The following GNL1 variants were observed in gnomAD, a reference collection of about 807,000 sequenced individuals.
GNL1 encodes the protein guanine nucleotide-binding protein-like 1.
A neutral mutation model predicts 75.2 loss-of-function variants in GNL1; 21 were observed. The ratio of observed to expected loss-of-function variants is 0.28; its 90% confidence interval spans 0.20 to 0.40. The LOEUF (loss-of-function observed/expected upper bound fraction) is 0.40, where lower values mean the gene tolerates loss of function less well. Among genes scored for constraint, GNL1 ranks in the 10% least tolerant of loss-of-function variants. The pLI is 1.00. For synonymous variants in GNL1, 287 were observed against 303.4 expected, an observed-to-expected ratio of 0.95 and a Z score of 0.56; for missense variants, 579 against 775.0, an observed-to-expected ratio of 0.75 and a Z score of 3.00.
rs1164445525 is a variant in GNL1 at position 30,552,815 on chromosome 6, C to T, written c.905-154G>A. Among the ~76,000 whole-genome samples the T allele has an allele frequency of 6.6e-6, 1 of 152,206 alleles. No individual in the cohort carries two copies. The highest frequency in any genetic ancestry group is 1.5e-5 in the Non-Finnish European group (1 of 68,040). ...GCAGGTCAGAGAATCTCCCAAAAGT[C>T]ATTTGACCCTACCCTCCCTGGAATC... On this transcript the variant is annotated intron_variant, in intron 7 of 11. Transcript: ENST00000376621. This position sits in a 1 kb window ranked among gnomAD's most constrained non-coding sequence, Gnocchi z 4.5.
At position 30,555,742 on chromosome 6, in the gene GNL1, G is replaced by C; in HGVS notation, c.74-22C>G. On this transcript the variant is annotated intron_variant, in intron 1 of 11. Coordinates refer to ENST00000376621, the MANE Select transcript of GNL1 (RefSeq NM_005275.5). The surrounding 1 kb of genome is among the most constrained non-coding windows in gnomAD (Gnocchi z 4.3). ...AGCCCTGCGGGGAGGGGCCGGTGAC[G>C]CCAGTGCTGGCCAGCTCTCAGGGGC... is the stretch of plus-strand genomic sequence containing the variant. 6.2e-7 allele frequency: 1 copy of C among 1,610,252 alleles called. No individual in the cohort carries two copies. Among genetic ancestry groups the C allele is most frequent in the South Asian group, 1.1e-5 (1 of 90,804 alleles).
rs908213037 is a variant in GNL1 at position 30,544,358 on chromosome 6, G to C, written c.*1714C>G. The stretch of plus-strand genomic sequence containing the variant: ...AGCACAGGAAGCAGAGGTACAAATA[G>C]AATTCTGATTTTTCTCCTTTCTCTC... On this transcript the variant is annotated 3_prime_UTR_variant, in exon 12 of 12. Transcript: ENST00000376621. 3.3e-5 allele frequency: 5 copies of C among 152,178 alleles called. No individual in the cohort carries two copies. Among genetic ancestry groups the C allele is most frequent in the Non-Finnish European group, 5.9e-5 (4 of 68,056 alleles). 9.4% of individuals were successfully genotyped at this position (152,178 alleles called of 1,614,324 possible).
chr6:30,548,953 C>T lies in GNL1; in HGVS notation c.1100-1423G>A, dbSNP rs889854191. ...AACATACATGTGCAGCCTGATGAAC[C>T]CCATACCACCCAATGTGTGACAACA... On this transcript the variant is annotated intron_variant, in intron 8 of 11. Transcript: ENST00000376621. This position sits in a 1 kb window ranked among gnomAD's most constrained non-coding sequence, Gnocchi z 4.2. Among the ~76,000 whole-genome samples, 14 of 152,038 alleles carry T rather than the reference C, an allele frequency of 9.2e-5. No homozygotes were observed. Among genetic ancestry groups the T allele is most frequent in the Non-Finnish European group, 1.9e-4 (13 of 68,022 alleles).
chr6:30,546,843 G>A lies in GNL1; in HGVS notation c.1442-7C>T, dbSNP rs1315722657. The A allele has an allele frequency of 2.5e-6, 4 of 1,582,328 alleles. No individual in the cohort carries two copies. Among genetic ancestry groups the A allele is most frequent in the Non-Finnish European group, 2.6e-6 (3 of 1,160,010 alleles). On this transcript the variant is annotated splice_region_variant and splice_polypyrimidine_tract_variant and intron_variant, in intron 10 of 11. Transcript: ENST00000376621. The surrounding 1 kb of genome is among the most constrained non-coding windows in gnomAD (Gnocchi z 5.1). Reference sequence around the variant, plus strand: ...CCACGTTTCTCTGCCCAGGCTGGAGGAAGAAAAGAATAATGGAAAGGGAAA... The same window carrying A: ...CCACGTTTCTCTGCCCAGGCTGGAGAAAGAAAAGAATAATGGAAAGGGAAA...
chr6:30,545,306 C>G lies in GNL1; in HGVS notation c.*766G>C, dbSNP rs933707582. The G allele has an allele frequency of 1.3e-5, 2 of 152,234 alleles. No homozygotes were observed. Among genetic ancestry groups the G allele is most frequent in the Non-Finnish European group, 2.9e-5 (2 of 68,032 alleles). 9.4% of individuals were successfully genotyped at this position (152,234 alleles called of 1,614,324 possible). A position where few individuals can be genotyped will look rare whatever the true frequency, so the allele number is the denominator to read the frequency against. The stretch of plus-strand genomic sequence containing the variant: ...TCACCAGTAATTAAAACTACTCGTA[C>G]ACATTTAATCAACATTTTCACAAGC... On this transcript the variant is annotated 3_prime_UTR_variant, in exon 12 of 12. Coordinates refer to ENST00000376621, the MANE Select transcript of GNL1 (RefSeq NM_005275.5).
Position 30,545,675 on chromosome 6 carries a change from C to A in GNL1, c.*397G>T. 1 of 229,936 alleles carries A rather than the reference C, an allele frequency of 4.3e-6. No individual in the cohort carries two copies. The allele number at this position is 229,936 out of a possible 1,614,324, so 14.2% of individuals were successfully genotyped here. ...AAGCTCCTGGAATGAGCAGGTCTGG[C>A]GGCAGGGGGCACACAGGGCTGCTGC... On this transcript the variant is annotated 3_prime_UTR_variant, in exon 12 of 12. Transcript: ENST00000376621.
chr6:30,547,736 G>A lies in GNL1; in HGVS notation c.1100-206C>T. 1 of 571,968 alleles carries A rather than the reference G, an allele frequency of 1.7e-6. No homozygotes were observed. Among genetic ancestry groups the A allele is most frequent in the South Asian group, 2.4e-5 (1 of 42,084 alleles). The allele number at this position is 571,968 out of a possible 1,614,324, so 35.4% of individuals were successfully genotyped here. On this transcript the variant is annotated intron_variant, in intron 8 of 11. Coordinates refer to ENST00000376621, the MANE Select transcript of GNL1 (RefSeq NM_005275.5). The surrounding 1 kb of genome is among the most constrained non-coding windows in gnomAD (Gnocchi z 5.5). ...GATGTCAGGGCAACTAACTTTCTGA[G>A]CCTCTGTTTCTTCATTTTACAGTGT...
rs1455449287 is a variant in GNL1 at position 30,545,891 on chromosome 6, A to G, written c.*181T>C. 13 of 578,464 alleles carry G rather than the reference A, an allele frequency of 2.2e-5. No individual in the cohort carries two copies. Among genetic ancestry groups the G allele is most frequent in the Non-Finnish European group, 3.3e-5 (11 of 330,932 alleles). The allele number at this position is 578,464 out of a possible 1,614,324, so 35.8% of individuals were successfully genotyped here. A position where few individuals can be genotyped will look rare whatever the true frequency, so the allele number is the denominator to read the frequency against. ...GAGAATGCATGAAAAAAGAAGGGAG[A>G]AGAGGAGAGAAGCCTCCCACAGCTG... On this transcript the variant is annotated 3_prime_UTR_variant, in exon 12 of 12. Transcript: ENST00000376621.
Position 30,553,356 on chromosome 6 carries a change from T to C in GNL1, c.802A>G (p.Ser268Gly), listed in dbSNP as rs1254800297. 1.2e-6 allele frequency: 2 copies of C among 1,610,648 alleles called. No homozygotes were observed. Among genetic ancestry groups the C allele is most frequent in the Admixed American group, 1.7e-5 (1 of 60,010 alleles). The change falls in exon 6 of 12, where the codon AGT (serine) becomes GGT (glycine). Residue 268 changes from serine (S) to glycine (G), a missense_variant. By Grantham distance (56) the Ser-to-Gly change is moderately conservative (BLOSUM62 0). Coordinates refer to ENST00000376621, the MANE Select transcript of GNL1 (RefSeq NM_005275.5). ...PRDPRTPQDP[S>G]SVLKKSRRRG... The stretch of plus-strand genomic sequence containing the variant: ...TCTCTCATTGCCCACTCACCACTAC[T>C]AGGGTCCTGTGGGGTGCGGGGGTCC...
In GNL1 at chr6:30,546,611, G is replaced by T; in HGVS notation, c.1582+85C>A. ...GCTAGCCAACAGGTACAGAATCCAG[G>T]TTTGACCCTCTCTCTGGCCACAAAG... On this transcript the variant is annotated intron_variant, in intron 11 of 11. Coordinates refer to ENST00000376621, the MANE Select transcript of GNL1 (RefSeq NM_005275.5). This position sits in a 1 kb window ranked among gnomAD's most constrained non-coding sequence, Gnocchi z 5.1. 8.7e-7 allele frequency: 1 copy of T among 1,143,666 alleles called. No homozygotes were observed. Among genetic ancestry groups the T allele is most frequent in the Non-Finnish European group, 1.3e-6 (1 of 791,910 alleles). The allele number at this position is 1,143,666 out of a possible 1,614,324, so 70.8% of individuals were successfully genotyped here.
Position 30,556,357 on chromosome 6 carries a change from G to A in GNL1, c.-154C>T, listed in dbSNP as rs553192109. 15 of 793,416 alleles carry A rather than the reference G, an allele frequency of 1.9e-5. No individual in the cohort carries two copies. Among genetic ancestry groups the A allele is most frequent in the South Asian group, 8.0e-5 (5 of 62,136 alleles). 49.1% of individuals were successfully genotyped at this position (793,416 alleles called of 1,614,324 possible). A position where few individuals can be genotyped will look rare whatever the true frequency, so the allele number is the denominator to read the frequency against. ...GGGCGGGCCCGACAGAATTACCGCC[G>A]CGGCGGCGATGGAAGGCGGACGGGG... On this transcript the variant is annotated 5_prime_UTR_variant, in exon 1 of 12. Coordinates refer to ENST00000376621, the MANE Select transcript of GNL1 (RefSeq NM_005275.5). This position sits in a 1 kb window ranked among gnomAD's most constrained non-coding sequence, Gnocchi z 5.7.
rs774979450 is a variant in GNL1, at chr6:30,554,814, G to A, written c.478C>T (p.His160Tyr). ...AGTTTCTCAGAGGAGTAAGCCCCAT[G>A]AATCTTCCCAAGATAGTCTTGGAAG... Reference protein sequence around the residue: ...RSFQDYLGKIHGAYSSEKLSY... With the variant: ...RSFQDYLGKIYGAYSSEKLSY... The change falls in exon 4 of 12, where the codon CAT becomes TAT. Residue 160 changes from histidine to tyrosine, a missense_variant. His to Tyr is a moderately conservative substitution (Grantham distance 83, BLOSUM62 2). Coordinates refer to ENST00000376621, the MANE Select transcript of GNL1 (RefSeq NM_005275.5). 1 of 1,612,706 alleles carries A rather than the reference G, an allele frequency of 6.2e-7. No homozygotes were observed. Among genetic ancestry groups the A allele is most frequent in the Admixed American group, 1.7e-5 (1 of 60,002 alleles).
In GNL1 at chr6:30,555,208, C is replaced by A. The variant is rs769083914; in HGVS notation, c.240-17G>T. On this transcript the variant is annotated splice_polypyrimidine_tract_variant and intron_variant, in intron 2 of 11. Coordinates refer to ENST00000376621, the MANE Select transcript of GNL1 (RefSeq NM_005275.5). The surrounding 1 kb of genome is among the most constrained non-coding windows in gnomAD (Gnocchi z 4.3). ...AGTCGGTATCTAAGGGAACAGGGAC[C>A]GAGACATCCAGAGCAATCCTGTGGC... The A allele has an allele frequency of 1.9e-6, 3 of 1,612,958 alleles. No homozygotes were observed. Among genetic ancestry groups the A allele is most frequent in the Admixed American group, 3.3e-5 (2 of 60,008 alleles).
At position 30,555,248 on chromosome 6, in the gene GNL1, TTC is replaced by T; in HGVS notation, c.240-59_240-58del. On this transcript the variant is annotated intron_variant, in intron 2 of 11. Coordinates refer to ENST00000376621, the MANE Select transcript of GNL1 (RefSeq NM_005275.5). The surrounding 1 kb of genome is among the most constrained non-coding windows in gnomAD (Gnocchi z 4.3). ...AATCCTGTGGCCACAAACTCCTATT[TTC>T]TCCCCTCTTGTACAATCAACTTCGC... The T allele has an allele frequency of 6.2e-7, 1 of 1,604,384 alleles. No individual in the cohort carries two copies. Among genetic ancestry groups the T allele is most frequent in the South Asian group, 1.1e-5 (1 of 90,736 alleles).
chr6:30,548,796 C>T lies in GNL1; in HGVS notation c.1100-1266G>A, dbSNP rs773437656. On this transcript the variant is annotated intron_variant, in intron 8 of 11. Transcript: ENST00000376621. This position sits in a 1 kb window ranked among gnomAD's most constrained non-coding sequence, Gnocchi z 4.2. The stretch of plus-strand genomic sequence containing the variant: ...GAGGGAGAAAAAAGTTCTCCTTTGA[C>T]GACCACCACCAGACCTAGTTCTCTG... Among the ~76,000 whole-genome samples, 4 of 152,144 alleles carry T rather than the reference C, an allele frequency of 2.6e-5. No homozygotes were observed. The highest frequency in any genetic ancestry group is 5.9e-5 in the Non-Finnish European group (4 of 68,018).
Position 30,542,472 on chromosome 6 carries a change from T to TC in GNL1, c.*3599dup, listed in dbSNP as rs1480393601. ...TCTGTCTCCAGCCACGACCTCTCTT[T>TC]CCCCAAGCTCCATTTGCATAAACTG... is the stretch of plus-strand genomic sequence containing the variant. On this transcript the variant is annotated 3_prime_UTR_variant, in exon 12 of 12. Coordinates refer to ENST00000376621, the MANE Select transcript of GNL1 (RefSeq NM_005275.5). This position sits in a 1 kb window ranked among gnomAD's most constrained non-coding sequence, Gnocchi z 4.5. 2.0e-5 allele frequency: 3 copies of TC among 152,456 alleles called. No individual in the cohort carries two copies. Among genetic ancestry groups the TC allele is most frequent in the African/African-American group, 7.2e-5 (3 of 41,540 alleles). 9.4% of individuals were successfully genotyped at this position (152,456 alleles called of 1,614,324 possible).
Position 30,553,337 on chromosome 6 carries a change from A to T in GNL1, c.808+13T>A, listed in dbSNP as rs1339272070. The T allele has an allele frequency of 1.2e-6, 2 of 1,604,372 alleles. No homozygotes were observed. On this transcript the variant is annotated intron_variant, in intron 6 of 11. Coordinates refer to ENST00000376621, the MANE Select transcript of GNL1 (RefSeq NM_005275.5). ...CACCTCTCCCAAGTTGCCCTCTCTCATTGCCCACTCACCACTACTAGGGTC... is the reference window on the plus strand; with the variant it reads ...CACCTCTCCCAAGTTGCCCTCTCTCTTTGCCCACTCACCACTACTAGGGTC...
chr6:30,554,554 A>T (rs1400692669), intron 5 of GNL1, 21 bp downstream of exon 5: 3 of 1,478,492 alleles, frequency 2.0e-6, no homozygotes, highest in Non-Finnish European at 2.8e-6. Flanking sequence ...CTCCTTGCCC[A>T]CCCTTATCCC....
At position 30,546,239 on chromosome 6, in the gene GNL1, C is replaced by T. The variant is rs766170577; in HGVS notation, c.1657G>A (p.Glu553Lys). The change falls in exon 12 of 12, where the codon GAG becomes AAG. Residue 553 changes from glutamate to lysine, a missense_variant. Coordinates refer to ENST00000376621, the MANE Select transcript of GNL1 (RefSeq NM_005275.5). This position sits in a 1 kb window ranked among gnomAD's most constrained non-coding sequence, Gnocchi z 5.1. ...QGRVGPAGDE[E>K]EEEEEELSSS... ...CTCAGCTCTTCCTCTTCCTCCTCCTCCTCGTCACCTGCTGGCCCCACCCTG... is the reference window on the plus strand; with the variant it reads ...CTCAGCTCTTCCTCTTCCTCCTCCTTCTCGTCACCTGCTGGCCCCACCCTG... 3 of 1,578,640 alleles carry T rather than the reference C, an allele frequency of 1.9e-6. No homozygotes were observed. Among genetic ancestry groups the T allele is most frequent in the South Asian group, 1.1e-5 (1 of 87,102 alleles).
Sources: gnomAD v4.1 joint callset for allele counts (sites outside exome capture counted in the v4.1 genomes callset) on GRCh38, gnomAD v4.1.1 for gene constraint, Gnocchi (gnomAD v3.1) non-coding constraint, MANE v1.5 for transcripts, NCBI Gene and HGNC (gene_info 2026-07-23, HGNC 2026-07-21) for gene names.